Variants in ESRRG observed in about 807,000 individuals in gnomAD.
ESRRG encodes the protein estrogen related receptor gamma, also known as estrogen-related receptor gamma.
A neutral mutation model predicts 44.0 loss-of-function variants in ESRRG; 13 were observed. The observed-to-expected ratio is 0.30, with a 90% confidence interval of 0.19 to 0.47. The LOEUF (loss-of-function observed/expected upper bound fraction) is 0.47. ESRRG is among the 20% of genes least tolerant of loss of function. The probability of loss-of-function intolerance (pLI) is 1.00; values close to 1 mark genes in which losing one functional copy is unlikely to be tolerated. For missense variants in ESRRG, 395 were observed against 580.6 expected (o/e 0.68, Z 3.29); for synonymous variants, 215 against 214.6 (o/e 1.00, Z -0.02).
chr1:216,551,980 C>T (rs2149394511), intron 5 of ESRRG, among the ~76,000 whole-genome samples: 1 of 152,168 alleles, frequency 6.6e-6, no homozygotes, highest in East Asian at 1.9e-4. Flanking sequence ...TCTCTCTGCA[C>T]AAAATAGAAA....
chr1:217,129,455 A>C (rs2092932053), intron 1 of ESRRG, among the ~76,000 whole-genome samples: 1 of 152,212 alleles, frequency 6.6e-6, no homozygotes, highest in South Asian at 2.1e-4. Context: ...GACCCAAGAG[A>C]GCAGAAAACA....
chr1:216,837,103 A>ATT (rs34901658), intron 2 of ESRRG, among the ~76,000 whole-genome samples: 5 of 150,428 alleles, frequency 3.3e-5, no homozygotes, highest in Admixed American at 1.3e-4. Flanking sequence ...GATATATTCT[A>ATT]TTTTTTTTTT....
chr1:217,078,575 G>T (rs779554899), intron 1 of ESRRG, among the ~76,000 whole-genome samples: 2 of 152,154 alleles, frequency 1.3e-5, no homozygotes, highest in Non-Finnish European at 2.9e-5. Flanking sequence ...GTATGTTAGC[G>T]CAGTCCCTGG....
chr1:216,568,937 C>T (rs2060173157), intron 3 of ESRRG, among the ~76,000 whole-genome samples: 1 of 151,966 alleles, frequency 6.6e-6, no homozygotes, highest in Non-Finnish European at 1.5e-5. Context: ...GCCTGTAATC[C>T]CAGCTACTCG....
At chr1:216,889,942 T>C (rs1311613663) in intron 2 of ESRRG, among the ~76,000 whole-genome samples, 1 of 152,186 alleles carries the variant, frequency 6.6e-6, no homozygotes, top group East Asian at 1.9e-4. Flanking sequence ...GCATGCAGAT[T>C]GAATAAAGTC....
At chr1:216,589,598 A>G (rs1331577258) in intron 3 of ESRRG, among the ~76,000 whole-genome samples, 1 of 152,078 alleles carries the variant, frequency 6.6e-6, no homozygotes, top group African/African-American at 2.4e-5. Flanking sequence ...ATTGGTGACT[A>G]CTGTACCATC....
At chr1:216,659,619 G>T (rs1422473129) in intron 2 of ESRRG, among the ~76,000 whole-genome samples, 1 of 152,118 alleles carries the variant, frequency 6.6e-6, no homozygotes, top group Admixed American at 6.5e-5. Context: ...AACCCACATG[G>T]CATTACCTGA....
intron 2 of ESRRG, among the ~76,000 whole-genome samples, chr1:216,657,028 C>T (rs2070784507): frequency 2.0e-5 from 3 of 152,052 alleles, no homozygotes; most frequent in South Asian, 4.2e-4. Flanking sequence ...AAAACATAAA[C>T]AAGAAAGAAA....
At chr1:216,540,043 C>T (rs1040610099) in intron 5 of ESRRG, among the ~76,000 whole-genome samples, 4 of 151,900 alleles carry the variant, frequency 2.6e-5, no homozygotes, top group Non-Finnish European at 5.9e-5. Context: ...TTCTGCTAAC[C>T]TAATCATTCT....
chr1:216,787,169 C>T (rs1174658180), intron 2 of ESRRG, among the ~76,000 whole-genome samples: 1 of 152,100 alleles, frequency 6.6e-6, no homozygotes, highest in Non-Finnish European at 1.5e-5. Flanking sequence ...ACGACCTGTG[C>T]CCATACAAGC....
intron 2 of ESRRG, among the ~76,000 whole-genome samples, chr1:216,757,366 A>C (rs1249428287): frequency 6.6e-6 from 1 of 152,066 alleles, no homozygotes; most frequent in Non-Finnish European, 1.5e-5. Context: ...CTGCTGTGAA[A>C]AAGCCCATGT....
chr1:216,577,673 G>A (rs1385324469), intron 3 of ESRRG, among the ~76,000 whole-genome samples: 2 of 151,990 alleles, frequency 1.3e-5, no homozygotes, highest in African/African-American at 4.8e-5. Flanking sequence ...GCTGGGTTGA[G>A]AGCCCACAGT....
intron 3 of ESRRG, among the ~76,000 whole-genome samples, chr1:216,624,527 T>C (rs1017992273): frequency 6.6e-5 from 10 of 152,142 alleles, no homozygotes; most frequent in Non-Finnish European, 1.5e-4. Flanking sequence ...ACAGATAATA[T>C]CTTTTGAAAT....
At chr1:217,031,674 C>T (rs920381529) in intron 1 of ESRRG, among the ~76,000 whole-genome samples, 1 of 152,194 alleles carries the variant, frequency 6.6e-6, no homozygotes, top group Non-Finnish European at 1.5e-5. Flanking sequence ...TCATAATCCC[C>T]ACATGTGGTG....
intron 2 of ESRRG, among the ~76,000 whole-genome samples, chr1:216,807,065 T>C (rs553598355): frequency 1.3e-5 from 2 of 152,282 alleles, no homozygotes; most frequent in African/African-American, 4.8e-5. Context: ...TTTAATGCAT[T>C]CTGGGAGTAG....
At position 216,506,909 on chromosome 1, in the gene ESRRG, G is replaced by A; in HGVS notation, c.*30C>T. 1 of 1,590,418 alleles carries A rather than the reference G, an allele frequency of 6.3e-7. No individual in the cohort carries two copies. The highest frequency in any genetic ancestry group is 8.5e-7 in the Non-Finnish European group (1 of 1,170,850). On this transcript the variant is annotated 3_prime_UTR_variant, in exon 7 of 7. Transcript: ENST00000408911. ...GGGTTTATTTTCCCTTTTTCAACAT[G>A]AAGGATGGGAAGGCCCAGGGAGCTT...
intron 2 of ESRRG, among the ~76,000 whole-genome samples, chr1:216,758,263 G>T (rs377293949): frequency 1.3e-5 from 2 of 151,926 alleles, no homozygotes; most frequent in Admixed American, 1.3e-4. Flanking sequence ...TCAGTTTATC[G>T]CAAATGAACA....
At chr1:216,704,118 A>T (rs2081992802) in intron 1 of ESRRG, among the ~76,000 whole-genome samples, 1 of 152,210 alleles carries the variant, frequency 6.6e-6, no homozygotes, top group Non-Finnish European at 1.5e-5. Context: ...TTGCTTATTT[A>T]AATGAAGGCT....
chr1:216,691,268 G>A (rs571030100), intron 1 of ESRRG, among the ~76,000 whole-genome samples: 3 of 152,200 alleles, frequency 2.0e-5, no homozygotes, highest in East Asian at 1.9e-4. Context: ...TTAAAATATG[G>A]TTAAGCTATA....
Sources: allele counts gnomAD v4.1 joint callset (sites outside exome capture counted in the v4.1 genomes callset), GRCh38; gene constraint gnomAD v4.1.1; transcripts MANE v1.5; gene names NCBI Gene and HGNC (gene_info 2026-07-23, HGNC 2026-07-21).